Variants in PTPRR observed in about 807,000 individuals in gnomAD.
The protein encoded by PTPRR is protein tyrosine phosphatase receptor type R, also known as receptor-type tyrosine-protein phosphatase R.
Under a neutral mutation model 77.2 loss-of-function variants are expected in PTPRR, and 38 were observed. The ratio of observed to expected loss-of-function variants is 0.49; its 90% CI spans 0.38 to 0.65. PTPRR has a LOEUF of 0.65. Among genes scored for constraint, PTPRR ranks in the 30% least tolerant of loss-of-function variants. PTPRR has a pLI of 0.00. For synonymous variants in PTPRR, 299 were observed against 283.1 expected (o/e 1.06, Z -0.57); for missense variants, 744 against 799.2 (o/e 0.93, Z 0.83).
At chr12:70,810,991 C>A (rs1240981335) in intron 2 of PTPRR, among the ~76,000 whole-genome samples, 3 of 151,840 alleles carry the variant, frequency 2.0e-5, no homozygotes, top group Non-Finnish European at 4.4e-5. Flanking sequence ...TGCAGTGAAG[C>A]GTTTAACAAA....
intron 6 of PTPRR, among the ~76,000 whole-genome samples, chr12:70,735,574 T>A (rs1037319163): frequency 6.6e-6 from 1 of 152,130 alleles, no homozygotes; most frequent in South Asian, 2.1e-4. Flanking sequence ...GAGATTTGGG[T>A]GGGGACATAG....
intron 2 of PTPRR, among the ~76,000 whole-genome samples, chr12:70,886,826 C>G (rs763024502): frequency 2.6e-5 from 4 of 151,738 alleles, no homozygotes; most frequent in Non-Finnish European, 4.4e-5. Flanking sequence ...AGTTATGAGC[C>G]CCTATATCAT....
chr12:70,870,138 CT>C (rs1235498171), intron 2 of PTPRR, among the ~76,000 whole-genome samples: 2 of 152,162 alleles, frequency 1.3e-5, no homozygotes, highest in Non-Finnish European at 2.9e-5. Context: ...AACAATTATT[CT>C]GCTGGGAGCC....
At chr12:70,747,934 G>C (rs976294586) in intron 5 of PTPRR, among the ~76,000 whole-genome samples, 4 of 152,130 alleles carry the variant, frequency 2.6e-5, no homozygotes, top group Non-Finnish European at 5.9e-5. Flanking sequence ...CAACTGGCAG[G>C]GATTTTGCCC....
chr12:70,867,364 A>C (rs1892872335), intron 2 of PTPRR, among the ~76,000 whole-genome samples: 2 of 151,472 alleles, frequency 1.3e-5, no homozygotes, highest in Admixed American at 6.6e-5. Flanking sequence ...AAATCAATGT[A>C]CAAAAATCAC....
chr12:70,857,111 T>C (rs1046170905), intron 2 of PTPRR, among the ~76,000 whole-genome samples: 4 of 152,070 alleles, frequency 2.6e-5, no homozygotes, highest in South Asian at 4.1e-4. Flanking sequence ...TTTGGAGATA[T>C]AGGTTTTGGG....
chr12:70,836,574 C>A (rs188926575), intron 2 of PTPRR, among the ~76,000 whole-genome samples: 363 of 152,096 alleles, frequency 2.4e-3, no homozygotes, highest in African/African-American at 8.5e-3. Context: ...CACTCTCCTG[C>A]CCTTCTTCCA....
intron 4 of PTPRR, among the ~76,000 whole-genome samples, chr12:70,756,207 T>C (rs566806615): frequency 3.9e-5 from 6 of 152,252 alleles, no homozygotes; most frequent in Admixed American, 2.0e-4. Flanking sequence ...AAACCTGTTT[T>C]GTTTTCTTTT....
rs184525391 is a variant in PTPRR at position 70,800,882 on chromosome 12, C to T, written c.358-36104G>A. Among the ~76,000 whole-genome samples, 16 of 148,332 alleles carry T rather than the reference C, an allele frequency of 1.1e-4. No individual in the cohort carries two copies. In the East Asian group the frequency reaches 2.0e-3, roughly 18 times the overall value. On this transcript the variant is annotated intron_variant, in intron 2 of 13. Transcript: ENST00000283228. ...TGCACTCCAGCCTGGGAGACAAGAG[C>T]GAAACTCCATCTCATAAAAAAAAAA...
intron 2 of PTPRR, among the ~76,000 whole-genome samples, chr12:70,849,335 G>C (rs1376467619): frequency 6.6e-6 from 1 of 152,148 alleles, no homozygotes; most frequent in Non-Finnish European, 1.5e-5. Flanking sequence ...GAGTTCTTAA[G>C]AATAGGCCAG....
intron 2 of PTPRR, among the ~76,000 whole-genome samples, chr12:70,824,735 G>C (rs1170185441): frequency 6.6e-6 from 1 of 152,134 alleles, no homozygotes; most frequent in Non-Finnish European, 1.5e-5. Context: ...TGCCTTTGTC[G>C]GGATGGGGTT....
chr12:70,853,018 C>T (rs1167674744), intron 2 of PTPRR, among the ~76,000 whole-genome samples: 1 of 152,172 alleles, frequency 6.6e-6, no homozygotes, highest in African/African-American at 2.4e-5. Flanking sequence ...GACTACCGTT[C>T]ACGGGCCAGG....
intron 8 of PTPRR, among the ~76,000 whole-genome samples, chr12:70,690,722 A>G (rs1464178124): frequency 6.6e-6 from 1 of 152,198 alleles, no homozygotes; most frequent in Non-Finnish European, 1.5e-5. Context: ...AGTATCTGAT[A>G]TTGGTTAGAT....
At chr12:70,693,281 A>G (rs1252841560) in intron 8 of PTPRR, among the ~76,000 whole-genome samples, 1 of 152,170 alleles carries the variant, frequency 6.6e-6, no homozygotes, top group Non-Finnish European at 1.5e-5. Context: ...GAAGTTTCCA[A>G]ATCCTTTTTA....
chr12:70,784,503 C>G (rs574583528), intron 2 of PTPRR, among the ~76,000 whole-genome samples: 1 of 152,298 alleles, frequency 6.6e-6, no homozygotes, highest in South Asian at 2.1e-4. Context: ...CCCCCTTGTC[C>G]GGAGCACAAC....
At chr12:70,641,270 G>A (rs898787945) in intron 13 of PTPRR, among the ~76,000 whole-genome samples, 2 of 152,222 alleles carry the variant, frequency 1.3e-5, no homozygotes, top group African/African-American at 4.8e-5. Context: ...CAGACAGTAT[G>A]TGGAAGCTTC....
chr12:70,653,834 AG>A (rs779639925), intron 13 of PTPRR, among the ~76,000 whole-genome samples: 33 of 152,366 alleles, frequency 2.2e-4, no homozygotes, highest in Non-Finnish European at 3.8e-4. Context: ...ATGTAAACTC[AG>A]GCAGGCAATC....
At chr12:70,775,273 C>G (rs1891064885) in intron 2 of PTPRR, among the ~76,000 whole-genome samples, 1 of 152,102 alleles carries the variant, frequency 6.6e-6, no homozygotes. Context: ...TTGTTAGATT[C>G]CTTTGTCAGT....
intron 2 of PTPRR, among the ~76,000 whole-genome samples, chr12:70,866,299 A>G (rs1267978451): frequency 6.6e-6 from 1 of 150,464 alleles, no homozygotes; most frequent in East Asian, 1.9e-4. Context: ...AAGACTAATA[A>G]AGAAAAGAGA....
Sources: allele counts gnomAD v4.1 joint callset (sites outside exome capture counted in the v4.1 genomes callset), GRCh38; gene constraint gnomAD v4.1.1; transcripts MANE v1.5; gene names NCBI Gene and HGNC (gene_info 2026-07-23, HGNC 2026-07-21).